PARP8: variants seen among roughly 807,000 people sequenced by gnomAD.
PARP8 encodes poly(ADP-ribose) polymerase family member 8, also known as protein mono-ADP-ribosyltransferase PARP8.
A neutral mutation model predicts 124.1 loss-of-function variants in PARP8; 51 were observed. The ratio of observed to expected loss-of-function variants is 0.41; its 90% CI spans 0.33 to 0.52. The LOEUF is 0.52. Among genes scored for constraint, PARP8 ranks in the 20% least tolerant of loss-of-function variants. The pLI, the probability that PARP8 is intolerant of heterozygous loss-of-function variation, is 0.21. For synonymous variants in PARP8, 391 were observed against 361.5 expected (o/e 1.08, Z -0.93); for missense variants, 860 against 1,018.9 (o/e 0.84, Z 2.12).
intron 2 of PARP8, among the ~76,000 whole-genome samples, chr5:50,706,846 A>C (rs1754201047): frequency 6.6e-6 from 1 of 152,114 alleles, no homozygotes; most frequent in South Asian, 2.1e-4. Context: ...GAGTGCTTTT[A>C]CTTAAGTAAA....
chr5:50,807,049 G>A (rs751772119), intron 14 of PARP8, among the ~76,000 whole-genome samples: 1 of 150,976 alleles, frequency 6.6e-6, no homozygotes, highest in Non-Finnish European at 1.5e-5. Flanking sequence ...GCATTTGTTA[G>A]ATCTCGCTTT....
At chr5:50,794,421 C>A in intron 11 of PARP8, 89 bp downstream of exon 11, 1 of 1,438,758 alleles carries the variant, frequency 7.0e-7, no homozygotes, top group Non-Finnish European at 9.4e-7. Context: ...ATAGTGTTGG[C>A]ATCTGTTTAT....
At position 50,778,546 on chromosome 5, in the gene PARP8, A is replaced by G; in HGVS notation, c.580-14A>G. 1 of 1,576,970 alleles carries G rather than the reference A, an allele frequency of 6.3e-7. No individual in the cohort carries two copies. The highest frequency in any genetic ancestry group is 8.6e-7 in the Non-Finnish European group (1 of 1,160,936). ...AAAAGATGATTAATTCATCTTTTAAATATATTTGTGCAGGAGGAGATTGCT... is the reference window on the plus strand; with the variant it reads ...AAAAGATGATTAATTCATCTTTTAAGTATATTTGTGCAGGAGGAGATTGCT... On this transcript the variant is annotated splice_polypyrimidine_tract_variant and intron_variant, in intron 8 of 25. Transcript: ENST00000281631.
intron 14 of PARP8, among the ~76,000 whole-genome samples, chr5:50,799,998 A>G (rs1430849444): frequency 6.6e-6 from 1 of 152,216 alleles, no homozygotes; most frequent in Non-Finnish European, 1.5e-5. Flanking sequence ...CACCCAGCCT[A>G]TGGTATTCGA....
At chr5:50,833,431 A>G (rs2149720825) in intron 23 of PARP8, 1 of 454,564 alleles carries the variant, frequency 2.2e-6, no homozygotes, top group Non-Finnish European at 4.4e-6. Flanking sequence ...AAACAAGTAT[A>G]TTCTGGGAAA....
intron 14 of PARP8, among the ~76,000 whole-genome samples, chr5:50,803,127 C>T (rs996863789): frequency 1.3e-5 from 2 of 152,060 alleles, no homozygotes; most frequent in Non-Finnish European, 2.9e-5. Flanking sequence ...GGATTTGTGC[C>T]GTTTTCAGCA....
At chr5:50,757,386 G>A (rs954023045) in intron 3 of PARP8, among the ~76,000 whole-genome samples, 2 of 152,086 alleles carry the variant, frequency 1.3e-5, no homozygotes, top group East Asian at 1.9e-4. Flanking sequence ...AATTGAACCA[G>A]TTTTCTAGGT....
intron 9 of PARP8, among the ~76,000 whole-genome samples, chr5:50,788,186 A>AATATATT (rs1741494045): frequency 6.9e-6 from 1 of 144,570 alleles, no homozygotes; most frequent in Non-Finnish European, 1.5e-5. Flanking sequence ...ATTAATATAT[A>AATATATT]ATATATTAAT....
chr5:50,761,789 A>T (rs776344070), intron 5 of PARP8, 32 bp from the exon 6 acceptor site: 2 of 1,370,278 alleles, frequency 1.5e-6, no homozygotes, highest in African/African-American at 1.5e-5. Flanking sequence ...TAATTTGACC[A>T]TTAAATTGTT....
intron 9 of PARP8, among the ~76,000 whole-genome samples, chr5:50,784,840 A>G (rs1164310053): frequency 1.3e-5 from 2 of 151,986 alleles, no homozygotes; most frequent in African/African-American, 4.8e-5. Flanking sequence ...ACTTATTTGC[A>G]TAATTAGACT....
chr5:50,786,276 C>T (rs1741236263), intron 9 of PARP8, among the ~76,000 whole-genome samples: 1 of 152,146 alleles, frequency 6.6e-6, no homozygotes, highest in East Asian at 1.9e-4. Flanking sequence ...TTCATTCTTG[C>T]CAAATGACTC....
chr5:50,806,492 T>C (rs375402496), intron 14 of PARP8, among the ~76,000 whole-genome samples: 8 of 152,212 alleles, frequency 5.3e-5, no homozygotes, highest in African/African-American at 1.7e-4. Context: ...AATATTGCTA[T>C]ATTTTTCTAA....
intron 2 of PARP8, among the ~76,000 whole-genome samples, chr5:50,720,533 C>A (rs1363186700): frequency 6.6e-6 from 1 of 151,958 alleles, no homozygotes; most frequent in Non-Finnish European, 1.5e-5. Flanking sequence ...CATCTGCCAG[C>A]TGCCTCTGAA....
intron 2 of PARP8, among the ~76,000 whole-genome samples, chr5:50,695,863 T>G (rs1752971050): frequency 6.6e-6 from 1 of 152,208 alleles, no homozygotes; most frequent in Admixed American, 6.5e-5. Flanking sequence ...AATTTTTCAC[T>G]TGGATGAATT....
At chr5:50,672,228 G>A (rs1316354130) in intron 2 of PARP8, among the ~76,000 whole-genome samples, 3 of 152,106 alleles carry the variant, frequency 2.0e-5, no homozygotes, top group African/African-American at 4.8e-5. Flanking sequence ...AAACCATGTC[G>A]TTACAGTATA....
intron 7 of PARP8, among the ~76,000 whole-genome samples, chr5:50,772,336 A>G (rs1761709974): frequency 3.3e-5 from 5 of 152,216 alleles, no homozygotes; most frequent in Admixed American, 2.6e-4. Flanking sequence ...TCTCTTGGAC[A>G]GACTGATTTC....
At chr5:50,717,585 G>A (rs1755451298) in intron 2 of PARP8, among the ~76,000 whole-genome samples, 1 of 151,820 alleles carries the variant, frequency 6.6e-6, no homozygotes, top group African/African-American at 2.4e-5. Flanking sequence ...TACAATATCT[G>A]TGCAAGCAGA....
At chr5:50,680,054 A>T (rs1430830552) in intron 2 of PARP8, among the ~76,000 whole-genome samples, 1 of 152,108 alleles carries the variant, frequency 6.6e-6, no homozygotes, top group Non-Finnish European at 1.5e-5. Flanking sequence ...CTGCCTCACG[A>T]TTTATATGTT....
chr5:50,797,262 T>G, intron 14 of PARP8, 29 bp downstream of exon 14: 1 of 1,473,620 alleles, frequency 6.8e-7, no homozygotes, highest in Admixed American at 1.8e-5. Context: ...AATGTCCGTG[T>G]TGGTTTAGAA....
Sources: allele counts gnomAD v4.1 joint callset (sites outside exome capture counted in the v4.1 genomes callset), GRCh38; gene constraint gnomAD v4.1.1; transcripts MANE v1.5; gene names NCBI Gene and HGNC (gene_info 2026-07-23, HGNC 2026-07-21).